ZC3H12B: variants seen among roughly 807,000 people sequenced by gnomAD.
ZC3H12B encodes zinc finger CCCH-type containing 12B.
A neutral mutation model predicts 43.9 loss-of-function variants in ZC3H12B; 7 were observed. The ratio of observed to expected loss-of-function variants is 0.16; its 90% CI spans 0.09 to 0.30. The LOEUF (loss-of-function observed/expected upper bound fraction) is 0.30, where lower values mean the gene tolerates loss of function less well. ZC3H12B is among the 10% of genes least tolerant of loss of function. The probability of loss-of-function intolerance (pLI) is 1.00; values close to 1 mark genes in which losing one functional copy is unlikely to be tolerated. For missense variants in ZC3H12B, 475 were observed against 670.2 expected, an observed-to-expected ratio of 0.71 and a Z score of 3.22; for synonymous variants, 222 against 241.7, an observed-to-expected ratio of 0.92 and a Z score of 0.76.
chrX:65,177,967 C>A, the ZC3H12B span, among the ~76,000 whole-genome samples: 1 of 111,975 alleles, frequency 8.9e-6, no homozygotes, highest in Non-Finnish European at 1.9e-5. Flanking sequence ...CTATCCTAAG[C>A]AAAAAGAACA....
intron 3 of ZC3H12B, among the ~76,000 whole-genome samples, chrX:65,483,063 G>A (rs764504960): frequency 8.9e-6 from 1 of 112,029 alleles, no homozygotes; most frequent in Non-Finnish European, 1.9e-5. Context: ...GTTGTTTTTA[G>A]CTCTGATTGT....
intron 1 of ZC3H12B, among the ~76,000 whole-genome samples, chrX:65,495,984 G>A (rs1455562968): frequency 9.0e-6 from 1 of 111,701 alleles, no homozygotes; most frequent in Non-Finnish European, 1.9e-5. Flanking sequence ...TGGGATTACA[G>A]GCCTGAGCCA....
At chrX:65,116,322 C>T in the ZC3H12B span, among the ~76,000 whole-genome samples, 4 of 110,945 alleles carry the variant, frequency 3.6e-5, no homozygotes, top group African/African-American at 9.8e-5. Context: ...CTTCACTTTA[C>T]GTTTCTGTTT....
intron 3 of ZC3H12B, among the ~76,000 whole-genome samples, chrX:65,436,186 G>A (rs965120048): frequency 8.9e-6 from 1 of 111,905 alleles, no homozygotes; most frequent in African/African-American, 3.3e-5. Flanking sequence ...CAAACAACCA[G>A]ATCTTGTGAG....
the ZC3H12B span, among the ~76,000 whole-genome samples, chrX:65,276,815 A>G: frequency 8.9e-6 from 1 of 111,878 alleles, no homozygotes; most frequent in Admixed American, 9.5e-5. Flanking sequence ...AATAAATAAT[A>G]GGAGAGTGAG....
chrX:65,350,780 T>C, the ZC3H12B span, among the ~76,000 whole-genome samples: 1 of 111,816 alleles, frequency 8.9e-6, no homozygotes, highest in South Asian at 3.8e-4. Flanking sequence ...AAGGACCTCT[T>C]AAAGGATAAC....
intron 2 of ZC3H12B, among the ~76,000 whole-genome samples, chrX:65,382,536 C>G (rs2066457882): frequency 9.0e-6 from 1 of 111,469 alleles, no homozygotes; most frequent in Non-Finnish European, 1.9e-5. Flanking sequence ...CCTTTGAAAA[C>G]TGGCACAAGA....
chrX:65,296,492 A>G, the ZC3H12B span, among the ~76,000 whole-genome samples: 8 of 110,874 alleles, frequency 7.2e-5, no homozygotes, highest in Admixed American at 7.7e-4. Context: ...TTCCCAAAAA[A>G]CTTATTGAAA....
At chrX:65,133,814 GGAGA>G in the ZC3H12B span, among the ~76,000 whole-genome samples, 1 of 110,384 alleles carries the variant, frequency 9.1e-6, no homozygotes, top group Admixed American at 9.7e-5. Flanking sequence ...GGAACAGACA[GGAGA>G]GAAAGAAGAA....
chrX:65,185,367 A>G, the ZC3H12B span: 2 of 112,096 alleles, frequency 1.8e-5, no homozygotes, highest in African/African-American at 3.2e-5. Flanking sequence ...GTGATTTTTG[A>G]TATTGTTCTT....
At chrX:65,207,674 C>A in the ZC3H12B span, among the ~76,000 whole-genome samples, 1 of 99,185 alleles carries the variant, frequency 1.0e-5, no homozygotes, top group African/African-American at 3.8e-5. Context: ...TTTTTTGGTT[C>A]CATATGAACT....
chrX:65,422,533 G>A (rs1447142680), intron 3 of ZC3H12B, among the ~76,000 whole-genome samples: 2 of 100,992 alleles, frequency 2.0e-5, no homozygotes, highest in Admixed American at 9.8e-5. Context: ...ATTTTTTGAT[G>A]TTTTATTTTT....
At chrX:65,362,108 C>A, upstream of ZC3H12B, among the ~76,000 whole-genome samples, 1 of 112,189 alleles carries the variant, frequency 8.9e-6, no homozygotes, top group Middle Eastern at 4.6e-3. Flanking sequence ...CCAGCAGCCA[C>A]TCCCAGAGTC....
At chrX:65,074,104 G>A in the ZC3H12B span, among the ~76,000 whole-genome samples, 2 of 111,286 alleles carry the variant, frequency 1.8e-5, no homozygotes, top group African/African-American at 6.5e-5. Context: ...TCTTTGGGCT[G>A]TTTTCTATTA....
chrX:65,151,362 T>A, the ZC3H12B span, among the ~76,000 whole-genome samples: 1 of 112,161 alleles, frequency 8.9e-6, no homozygotes, highest in African/African-American at 3.2e-5. Flanking sequence ...ACTTCCTTGT[T>A]AATAAGGTAT....
At chrX:65,378,193 T>C (rs975267050) in intron 2 of ZC3H12B, among the ~76,000 whole-genome samples, 10 of 111,866 alleles carry the variant, frequency 8.9e-5, no homozygotes, top group East Asian at 2.8e-4. Flanking sequence ...AAATGTGGCT[T>C]GTAAACTTCC....
chrX:65,346,362 A>G, the ZC3H12B span, among the ~76,000 whole-genome samples: 1 of 111,391 alleles, frequency 9.0e-6, no homozygotes, highest in Non-Finnish European at 1.9e-5. Flanking sequence ...ACTCAATAAA[A>G]GCAAGCAATG....
chrX:65,294,881 T>C, the ZC3H12B span, among the ~76,000 whole-genome samples: 2 of 109,488 alleles, frequency 1.8e-5, no homozygotes, highest in Admixed American at 9.8e-5. Context: ...AGAAATGAGA[T>C]AGACAGCAAC....
At chrX:65,138,337 A>T in the ZC3H12B span, among the ~76,000 whole-genome samples, 1 of 111,357 alleles carries the variant, frequency 9.0e-6, no homozygotes, top group African/African-American at 3.3e-5. Context: ...TGTGGAATTC[A>T]TCTTTTTTGC....
Sources: allele counts gnomAD v4.1 joint callset (sites outside exome capture counted in the v4.1 genomes callset), GRCh38; gene constraint gnomAD v4.1.1; transcripts MANE v1.5; gene names NCBI Gene and HGNC (gene_info 2026-07-23, HGNC 2026-07-21).